Variants in SASH1 observed in about 807,000 individuals in gnomAD.
The protein encoded by SASH1 is SAM and SH3 domain containing 1, also known as SAM and SH3 domain-containing protein 1.
Under a neutral mutation model 125.2 loss-of-function variants are expected in SASH1, and 44 were observed. The ratio of observed to expected loss-of-function variants is 0.35; its 90% CI spans 0.28 to 0.45. SASH1 has a LOEUF of 0.45. SASH1 is among the 20% of genes least tolerant of loss of function. The pLI, the probability that SASH1 is intolerant of heterozygous loss-of-function variation, is 1.00. For missense variants in SASH1, 1,426 were observed against 1,614.5 expected (o/e 0.88, Z 2.00); for synonymous variants, 639 against 649.1 (o/e 0.98, Z 0.24).
the SASH1 span, among the ~76,000 whole-genome samples, chr6:148,210,488 G>A: frequency 1.6e-4 from 24 of 152,278 alleles, no homozygotes; most frequent in East Asian, 1.2e-3. Context: ...AGCCAAGATC[G>A]CGCCATTGCA....
chr6:148,488,556 C>T (rs1778972584), intron 8 of SASH1, among the ~76,000 whole-genome samples: 1 of 152,146 alleles, frequency 6.6e-6, no homozygotes, highest in Admixed American at 6.5e-5. Context: ...CTGTATTTAC[C>T]TTTTTGAGGA....
In SASH1 at chr6:148,509,173, C is replaced by T. The variant is rs1478405025; in HGVS notation, c.730-5151C>T. 3 of 340,390 alleles carry T rather than the reference C, an allele frequency of 8.8e-6. No homozygotes were observed. The East Asian group carries it at 2.3e-4, about 26-fold the overall frequency. The allele number at this position is 340,390 out of a possible 1,614,324, so 21.1% of individuals were successfully genotyped here. On this transcript the variant is annotated intron_variant, in intron 8 of 19. Transcript: ENST00000367467. ...TTGTGGAGGCTTTTCCTGGGGAGGACTTGAATTCAGACAGTGTTGCACATT... is the reference window on the plus strand; with the variant it reads ...TTGTGGAGGCTTTTCCTGGGGAGGATTTGAATTCAGACAGTGTTGCACATT...
chr6:148,333,555 T>C (rs557044460), intron 1 of SASH1, among the ~76,000 whole-genome samples: 13 of 152,092 alleles, frequency 8.5e-5, no homozygotes, highest in African/African-American at 2.9e-4. Context: ...CTAGATAAAA[T>C]ATCGTTGTCG....
chr6:148,383,819 A>G lies in SASH1; in HGVS notation c.157-6315A>G, dbSNP rs566981571. Among the ~76,000 whole-genome samples, 40 of 152,308 alleles carry G rather than the reference A, an allele frequency of 2.6e-4. No individual in the cohort carries two copies. In the South Asian group the frequency reaches 3.1e-3, roughly 12 times the overall value. ...AAATCTCAGAAATACTGTGAAACCGATTGTTGAGGAAACAGTGCTCTGTGT... is the reference window on the plus strand; with the variant it reads ...AAATCTCAGAAATACTGTGAAACCGGTTGTTGAGGAAACAGTGCTCTGTGT... On this transcript the variant is annotated intron_variant, in intron 1 of 19. Transcript: ENST00000367467.
intron 2 of SASH1, among the ~76,000 whole-genome samples, chr6:148,432,625 T>C (rs947164061): frequency 2.6e-5 from 4 of 152,216 alleles, no homozygotes; most frequent in Admixed American, 2.6e-4. Context: ...GGCACTGAGC[T>C]GAGCTGGTGG....
chr6:148,368,770 G>GCACGCACGCACA (rs1554245333), intron 1 of SASH1, among the ~76,000 whole-genome samples: 2 of 135,644 alleles, frequency 1.5e-5, no homozygotes, highest in African/African-American at 5.3e-5. Context: ...GCACGCGCGC[G>GCACGCACGCACA]CACACACACA....
chr6:148,390,303 T>C, intron 2 of SASH1, 41 bp downstream of exon 2: 1 of 1,590,118 alleles, frequency 6.3e-7, no homozygotes, highest in Non-Finnish European at 8.6e-7. Flanking sequence ...TGAGCAGAGC[T>C]GCTCCAATTT....
At chr6:148,507,624 G>T (rs73587754) in intron 8 of SASH1, among the ~76,000 whole-genome samples, 3 of 152,146 alleles carry the variant, frequency 2.0e-5, no homozygotes, top group African/African-American at 7.2e-5. Context: ...GCCCGCCTCC[G>T]TTGGAATTAC....
Position 148,316,174 on chromosome 6 carries a change from T to A in SASH1, n.74+43797T>A, listed in dbSNP as rs143653579. On this transcript the variant is annotated intron_variant and non_coding_transcript_variant, in intron 1 of 3. Coordinates refer to the SASH1 transcript ENST00000367469. ...GAATATAATATTACTGGAGTCAGAG[T>A]GCAATGTTTACAATTTCTTGTCAAG... Among the ~76,000 whole-genome samples the A allele has an allele frequency of 1.0e-3, 157 of 152,276 alleles. 2 individuals carry two copies. The highest frequency in any genetic ancestry group is 3.6e-3 in the African/African-American group (150 of 41,554).
intron 4 of SASH1, among the ~76,000 whole-genome samples, chr6:148,463,098 A>G (rs1428664244): frequency 6.6e-6 from 1 of 152,122 alleles, no homozygotes; most frequent in East Asian, 1.9e-4. Context: ...GGAAAAGAAA[A>G]TATGGCAACC....
intron 4 of SASH1, among the ~76,000 whole-genome samples, chr6:148,449,078 C>CATTTCTTTTTCTTTTTTTTTTTCTT (rs763181287): frequency 5.6e-5 from 5 of 88,736 alleles, no homozygotes; most frequent in African/African-American, 2.2e-4. Context: ...CATTTCATTT[C>CATTTCTTTTTCTTTTTTTTTTTCTT]TTTTTTTTTT....
chr6:148,284,562 G>C (rs1779434307), intron 1 of SASH1, among the ~76,000 whole-genome samples: 1 of 152,140 alleles, frequency 6.6e-6, no homozygotes, highest in Non-Finnish European at 1.5e-5. Context: ...TGTTAGTCTT[G>C]TTTCAAAGTA....
At chr6:148,357,866 C>T (rs753247239) in intron 1 of SASH1, among the ~76,000 whole-genome samples, 34 of 152,050 alleles carry the variant, frequency 2.2e-4, no homozygotes, top group South Asian at 1.3e-3. Context: ...TCGAGACCAA[C>T]CTGACCAATA....
the SASH1 span, among the ~76,000 whole-genome samples, chr6:148,214,338 A>G: frequency 2.6e-5 from 4 of 152,236 alleles, no homozygotes; most frequent in Non-Finnish European, 5.9e-5. Context: ...ATGAAATGAT[A>G]CATGCAGTTG....
chr6:148,259,246 A>C, the SASH1 span, among the ~76,000 whole-genome samples: 1 of 152,182 alleles, frequency 6.6e-6, no homozygotes, highest in Non-Finnish European at 1.5e-5. Context: ...ATCAGAGTTA[A>C]TCCTCACACT....
At chr6:148,472,460 CA>C (rs1295936157) in intron 6 of SASH1, among the ~76,000 whole-genome samples, 1 of 140,946 alleles carries the variant, frequency 7.1e-6, no homozygotes, top group Non-Finnish European at 1.5e-5. Context: ...AAAAAAAAAA[CA>C]GTCTAAAGCT....
At position 148,414,029 on chromosome 6, in the gene SASH1, C is replaced by T. The variant is rs544943484; in HGVS notation, c.285+23767C>T. Among the ~76,000 whole-genome samples the T allele has an allele frequency of 1.1e-3, 160 of 152,234 alleles. 5 individuals carry two copies. In the South Asian group the frequency reaches 0.032, roughly 31 times the overall value. ...CTGGAAGCTTGGGTCACTTCTGGGA[C>T]CCTCCTTAGCCAGGAGCACATCAGT... On this transcript the variant is annotated intron_variant, in intron 2 of 19. Coordinates refer to ENST00000367467, the MANE Select transcript of SASH1 (RefSeq NM_015278.5).
chr6:148,290,462 C>T (rs577139378), intron 1 of SASH1, among the ~76,000 whole-genome samples: 5 of 151,726 alleles, frequency 3.3e-5, no homozygotes, highest in Admixed American at 2.0e-4. Context: ...AAAAATTAGC[C>T]GGGCGTGGTG....
At chr6:148,294,613 G>C (rs1236639190) in intron 1 of SASH1, among the ~76,000 whole-genome samples, 1 of 152,116 alleles carries the variant, frequency 6.6e-6, no homozygotes, top group Non-Finnish European at 1.5e-5. Context: ...TTCCTACACA[G>C]AAAAGCCTGC....
Sources: gnomAD v4.1 joint callset for allele counts (sites outside exome capture counted in the v4.1 genomes callset) on GRCh38, gnomAD v4.1.1 for gene constraint, MANE v1.5 for transcripts, NCBI Gene and HGNC (gene_info 2026-07-23, HGNC 2026-07-21) for gene names.